The following ARMC9 variants were observed in gnomAD, a reference collection of about 807,000 sequenced individuals.
The protein encoded by ARMC9 is armadillo repeat containing 9.
A neutral mutation model predicts 107.0 loss-of-function variants in ARMC9; 94 were observed. The ratio of observed to expected loss-of-function variants is 0.88; its 90% CI spans 0.74 to 1.04. The LOEUF (loss-of-function observed/expected upper bound fraction) is 1.04. ARMC9 is among the 50% of genes least tolerant of loss of function. ARMC9 has a pLI of 0.00. For missense variants in ARMC9, 942 were observed against 1,030.1 expected, an observed-to-expected ratio of 0.91 and a Z score of 1.17; for synonymous variants, 380 against 396.9, an observed-to-expected ratio of 0.96 and a Z score of 0.51.
At chr2:231,200,208 C>T (rs2030617284) in intron 1 of ARMC9, among the ~76,000 whole-genome samples, 1 of 152,144 alleles carries the variant, frequency 6.6e-6, no homozygotes, top group African/African-American at 2.4e-5. Context: ...TGAGGTTGGC[C>T]TCAAGGTTTC....
chr2:231,304,221 T>C (rs2041922676), intron 19 of ARMC9, among the ~76,000 whole-genome samples: 1 of 152,184 alleles, frequency 6.6e-6, no homozygotes, highest in Non-Finnish European at 1.5e-5. Context: ...AGAGACTGCA[T>C]CTCAATAATA....
At chr2:231,352,355 C>T (rs989972391) in intron 21 of ARMC9, among the ~76,000 whole-genome samples, 3 of 151,464 alleles carry the variant, frequency 2.0e-5, no homozygotes, top group Non-Finnish European at 2.9e-5. Context: ...TGCAATGGTA[C>T]GATCTCAGCT....
intron 19 of ARMC9, among the ~76,000 whole-genome samples, chr2:231,300,683 G>C (rs1438410038): frequency 2.0e-5 from 3 of 152,244 alleles, no homozygotes. Flanking sequence ...TTCAAATCCA[G>C]GTGGTCTGAC....
chr2:231,313,768 G>A (rs1271483877), intron 19 of ARMC9, among the ~76,000 whole-genome samples: 1 of 151,204 alleles, frequency 6.6e-6, no homozygotes, highest in Non-Finnish European at 1.5e-5. Flanking sequence ...TTTTTTGTTT[G>A]TTTGAGACAG....
At chr2:231,296,605 AGTGCTGGGCGTGTAGGC>A (rs1413531280) in intron 19 of ARMC9, among the ~76,000 whole-genome samples, 1 of 152,130 alleles carries the variant, frequency 6.6e-6, no homozygotes, top group Non-Finnish European at 1.5e-5. Context: ...CACCGGTGGG[AGTGCTGGGCGTGTAGGC>A]GCCTGGCGAG....
intron 12 of ARMC9, among the ~76,000 whole-genome samples, chr2:231,268,712 T>C (rs2039057576): frequency 6.6e-6 from 1 of 152,194 alleles, no homozygotes; most frequent in Non-Finnish European, 1.5e-5. Context: ...TAATTTTCCT[T>C]CAGAATTTTG....
At chr2:231,302,806 C>A (rs1295399069) in intron 19 of ARMC9, among the ~76,000 whole-genome samples, 1 of 152,030 alleles carries the variant, frequency 6.6e-6, no homozygotes, top group Non-Finnish European at 1.5e-5. Flanking sequence ...AGTTTTGAGA[C>A]CAGCCTGGCC....
At chr2:231,371,488 A>G in intron 24 of ARMC9, 25 bp from the exon 25 acceptor site, 4 of 1,241,022 alleles carry the variant, frequency 3.2e-6, no homozygotes, top group Non-Finnish European at 4.0e-6. Flanking sequence ...CAGCACTGGC[A>G]TCTTGCTCTG....
chr2:231,219,903 T>A (rs1313668160), intron 5 of ARMC9, among the ~76,000 whole-genome samples: 1 of 152,158 alleles, frequency 6.6e-6, no homozygotes, highest in Non-Finnish European at 1.5e-5. Flanking sequence ...TGATTATAGC[T>A]CACTACAGCC....
rs975175428 is a variant in ARMC9 at position 231,288,045 on chromosome 2, C to T, written c.1627-3308C>T. On this transcript the variant is annotated intron_variant, in intron 17 of 24. Coordinates refer to ENST00000611582, the MANE Select transcript of ARMC9 (RefSeq NM_001352754.2). Reference sequence around the variant, plus strand: ...TGACAACTGAAGCTCTCAGTGTGATCGTTTTTCCATCTGTAAGATGAGGAT... The same window carrying T: ...TGACAACTGAAGCTCTCAGTGTGATTGTTTTTCCATCTGTAAGATGAGGAT... Among the ~76,000 whole-genome samples the T allele has an allele frequency of 1.7e-4, 26 of 152,234 alleles. 1 individual carries two copies. In the Middle Eastern group the frequency reaches 0.01, roughly 60 times the overall value.
At chr2:231,278,070 C>T (rs1212414006) in intron 15 of ARMC9, among the ~76,000 whole-genome samples, 6 of 152,140 alleles carry the variant, frequency 3.9e-5, no homozygotes, top group Non-Finnish European at 8.8e-5. Context: ...TGTGCTCTGA[C>T]CGGAGTAATA....
intron 11 of ARMC9, among the ~76,000 whole-genome samples, chr2:231,261,998 A>G (rs1574849578): frequency 6.6e-6 from 1 of 151,326 alleles, no homozygotes; most frequent in Non-Finnish European, 1.5e-5. Flanking sequence ...ATTTTTTTGT[A>G]TTTTTAGTAG....
intron 19 of ARMC9, among the ~76,000 whole-genome samples, chr2:231,316,393 G>C (rs561486685): frequency 1.8e-4 from 28 of 152,064 alleles, no homozygotes; most frequent in African/African-American, 5.8e-4. Flanking sequence ...GGGCGCAGTG[G>C]TTCATGCCTG....
At chr2:231,275,908 G>A (rs879445693) in intron 14 of ARMC9, among the ~76,000 whole-genome samples, 16 of 152,142 alleles carry the variant, frequency 1.1e-4, no homozygotes, top group Admixed American at 8.5e-4. Context: ...AGCCGAGATC[G>A]TGCCATTGCA....
chr2:231,200,357 T>G (rs562399289), intron 1 of ARMC9, among the ~76,000 whole-genome samples: 1 of 152,190 alleles, frequency 6.6e-6, no homozygotes, highest in African/African-American at 2.4e-5. Context: ...GGATATGAAG[T>G]TGAAATACAG....
At chr2:231,334,209 C>T (rs1030233155) in intron 20 of ARMC9, among the ~76,000 whole-genome samples, 3 of 152,320 alleles carry the variant, frequency 2.0e-5, no homozygotes, top group Admixed American at 2.0e-4. Context: ...TGGTATTTCC[C>T]GTGGCTGCAG....
chr2:231,209,059 G>A (rs768689054), intron 3 of ARMC9, among the ~76,000 whole-genome samples: 17 of 152,088 alleles, frequency 1.1e-4, no homozygotes, highest in South Asian at 2.1e-4. Context: ...GTGCTACTGC[G>A]TCTGGCTAAT....
At chr2:231,234,618 CAG>C (rs902302453) in intron 7 of ARMC9, among the ~76,000 whole-genome samples, 1 of 151,922 alleles carries the variant, frequency 6.6e-6, no homozygotes, top group Non-Finnish European at 1.5e-5. Context: ...TTTTTTGAGA[CAG>C]AGTCTCACTC....
chr2:231,278,113 G>C (rs1421351458), intron 15 of ARMC9, among the ~76,000 whole-genome samples: 1 of 152,126 alleles, frequency 6.6e-6, no homozygotes, highest in Admixed American at 6.6e-5. Flanking sequence ...TGAGCACCGA[G>C]GTTCTATGCT....
Sources: allele counts gnomAD v4.1 joint callset (sites outside exome capture counted in the v4.1 genomes callset), GRCh38; gene constraint gnomAD v4.1.1; transcripts MANE v1.5; gene names NCBI Gene and HGNC (gene_info 2026-07-23, HGNC 2026-07-21).